Variants in DLG2 observed in about 807,000 individuals in gnomAD.
DLG2 encodes discs large MAGUK scaffold protein 2, also known as disks large homolog 2.
DLG2 carries 45 observed loss-of-function variants against 132.5 expected under a neutral mutation model. That is an observed-to-expected ratio of 0.34 (90% confidence interval 0.27 to 0.44). The LOEUF (loss-of-function observed/expected upper bound fraction) is 0.44, where lower values mean the gene tolerates loss of function less well. Among genes scored for constraint, DLG2 ranks in the 20% least tolerant of loss-of-function variants. The pLI, the probability that DLG2 is intolerant of heterozygous loss-of-function variation, is 1.00. For missense variants in DLG2, 1,045 were observed against 1,196.9 expected (o/e 0.87, Z 1.87); for synonymous variants, 424 against 419.6 (o/e 1.01, Z -0.13).
chr11:85,144,436 G>A (rs928153764), intron 5 of DLG2, among the ~76,000 whole-genome samples: 1 of 149,808 alleles, frequency 6.7e-6, no homozygotes, highest in East Asian at 2.0e-4. Context: ...TTATTGATAG[G>A]TAAGAACTTA....
chr11:84,514,656 G>T (rs1463457485), intron 7 of DLG2, among the ~76,000 whole-genome samples: 2 of 151,892 alleles, frequency 1.3e-5, no homozygotes, highest in Non-Finnish European at 2.9e-5. Flanking sequence ...GCCTGAGAAA[G>T]GTAGTTGGGG....
At chr11:85,168,910 CAG>C (rs2078649384) in intron 4 of DLG2, among the ~76,000 whole-genome samples, 2 of 152,166 alleles carry the variant, frequency 1.3e-5, no homozygotes, top group South Asian at 4.1e-4. Context: ...TATAAACTAA[CAG>C]AATTTTTTTC....
intron 3 of DLG2, among the ~76,000 whole-genome samples, chr11:85,597,381 A>G (rs1049748625): frequency 1.3e-5 from 2 of 152,030 alleles, no homozygotes; most frequent in African/African-American, 4.8e-5. Flanking sequence ...TAATTTTATC[A>G]AAAATTTGAT....
intron 4 of DLG2, among the ~76,000 whole-genome samples, chr11:85,165,014 T>C (rs950541357): frequency 2.0e-5 from 3 of 152,190 alleles, no homozygotes; most frequent in Non-Finnish European, 4.4e-5. Context: ...CTAAAGTCTG[T>C]GCTTCGATGA....
At chr11:84,168,826 T>TACACAC (rs145846743) in intron 8 of DLG2, among the ~76,000 whole-genome samples, 86,594 of 147,920 alleles carry the variant, frequency 0.59, 26,830 homozygotes, top group Middle Eastern at 0.74. Context: ...CACACACACA[T>TACACAC]ACACACACAC....
chr11:85,100,557 C>T lies in DLG2; in HGVS notation c.357+11104G>A, dbSNP rs552182535. On this transcript the variant is annotated intron_variant, in intron 6 of 27. Coordinates refer to ENST00000376104, the MANE Select transcript of DLG2 (RefSeq NM_001142699.3). ...GTGATGGCCGAAAAGATCAAAAGAA[C>T]AAAGATTTATCTACACTGAAAAGCC... Among the ~76,000 whole-genome samples, 84 of 152,144 alleles carry T rather than the reference C, an allele frequency of 5.5e-4. 2 individuals carry two copies. The highest frequency in any genetic ancestry group is 2.0e-3 in the African/African-American group (84 of 41,506).
At chr11:83,954,691 T>C (rs960973930) in intron 14 of DLG2, among the ~76,000 whole-genome samples, 3 of 152,220 alleles carry the variant, frequency 2.0e-5, no homozygotes, top group Non-Finnish European at 2.9e-5. Flanking sequence ...GAGTTAGCTA[T>C]TGAGAGTCAC....
chr11:83,987,594 G>A, intron 11 of DLG2, among the ~76,000 whole-genome samples: 1 of 151,998 alleles, frequency 6.6e-6, no homozygotes, highest in Non-Finnish European at 1.5e-5. Flanking sequence ...CAAGCAATGG[G>A]GAAATGATTC....
intron 3 of DLG2, among the ~76,000 whole-genome samples, chr11:85,461,495 C>T (rs144637836): frequency 6.3e-4 from 96 of 152,278 alleles, no homozygotes; most frequent in Non-Finnish European, 6.5e-4. Flanking sequence ...GACTATGCTG[C>T]CATGAGTGGA....
intron 6 of DLG2, among the ~76,000 whole-genome samples, chr11:84,690,960 G>A (rs2057960979): frequency 6.6e-6 from 1 of 151,732 alleles, no homozygotes; most frequent in Non-Finnish European, 1.5e-5. Context: ...TTATAACATT[G>A]ACATAAAGAA....
At chr11:83,561,540 C>T (rs1285222787) in intron 19 of DLG2, among the ~76,000 whole-genome samples, 1 of 152,168 alleles carries the variant, frequency 6.6e-6, no homozygotes, top group African/African-American at 2.4e-5. Context: ...ATCATAGACT[C>T]TATTATTTGT....
intron 15 of DLG2, among the ~76,000 whole-genome samples, chr11:83,906,274 C>G (rs866335271): frequency 0.011 from 758 of 68,480 alleles, 32 homozygotes; most frequent in East Asian, 0.033. Context: ...CACACACACA[C>G]ACACACACAC....
At chr11:83,904,680 T>C (rs1464478474) in intron 15 of DLG2, among the ~76,000 whole-genome samples, 1 of 151,944 alleles carries the variant, frequency 6.6e-6, no homozygotes, top group Non-Finnish European at 1.5e-5. Context: ...TAACCATCCA[T>C]CATAATAACA....
chr11:83,467,765 C>CTATATGTATATATATATATATATA (rs2091317988), intron 25 of DLG2, among the ~76,000 whole-genome samples: 1 of 98,982 alleles, frequency 1.0e-5, no homozygotes, highest in Non-Finnish European at 2.0e-5. Context: ...AAAATAAAAA[C>CTATATGTATATATATATATATATA]TATATGTATA....
intron 6 of DLG2, among the ~76,000 whole-genome samples, chr11:84,972,487 G>A (rs997913446): frequency 1.3e-5 from 2 of 152,122 alleles, no homozygotes; most frequent in African/African-American, 4.8e-5. Context: ...TTGCTTTGTG[G>A]TAATTTATAT....
chr11:84,910,392 A>C (rs1421405293), intron 6 of DLG2, among the ~76,000 whole-genome samples: 1 of 152,210 alleles, frequency 6.6e-6, no homozygotes, highest in African/African-American at 2.4e-5. Flanking sequence ...AACTAGTCAA[A>C]TGCTTTCCTA....
At chr11:84,911,526 T>C (rs950926380) in intron 6 of DLG2, among the ~76,000 whole-genome samples, 4 of 152,030 alleles carry the variant, frequency 2.6e-5, no homozygotes, top group Non-Finnish European at 4.4e-5. Flanking sequence ...AGTGTGAACA[T>C]TTTAAGCTTT....
chr11:84,207,473 C>G (rs144088724), intron 8 of DLG2, among the ~76,000 whole-genome samples: 100 of 152,094 alleles, frequency 6.6e-4, no homozygotes, highest in African/African-American at 2.2e-3. Flanking sequence ...ATACTGAGTC[C>G]AGATATAGTA....
intron 9 of DLG2, among the ~76,000 whole-genome samples, chr11:84,156,229 C>A (rs1436833390): frequency 6.6e-6 from 1 of 152,168 alleles, no homozygotes; most frequent in Non-Finnish European, 1.5e-5. Flanking sequence ...CTCAAGCTTT[C>A]CTGACTCCCT....
Sources: allele counts gnomAD v4.1 joint callset (sites outside exome capture counted in the v4.1 genomes callset), GRCh38; gene constraint gnomAD v4.1.1; transcripts MANE v1.5; gene names NCBI Gene and HGNC (gene_info 2026-07-23, HGNC 2026-07-21).